SEMA3A: variants seen among roughly 807,000 people sequenced by gnomAD.
SEMA3A encodes semaphorin 3A, also known as semaphorin-3A.
SEMA3A carries 29 observed loss-of-function variants against 97.9 expected under a neutral mutation model. The ratio of observed to expected loss-of-function variants is 0.30; its 90% CI spans 0.22 to 0.40. The LOEUF (loss-of-function observed/expected upper bound fraction) is 0.40, where lower values mean the gene tolerates loss of function less well. Among genes scored for constraint, SEMA3A ranks in the 10% least tolerant of loss-of-function variants. The pLI, the probability that SEMA3A is intolerant of heterozygous loss-of-function variation, is 1.00. For synonymous variants in SEMA3A, 321 were observed against 323.7 expected, an observed-to-expected ratio of 0.99 and a Z score of 0.09; for missense variants, 763 against 951.3, an observed-to-expected ratio of 0.80 and a Z score of 2.60.
rs541571872 is a variant in SEMA3A, at chr7:84,190,345, A to G, written c.112+4130T>C. Among the ~76,000 whole-genome samples, 4 of 151,812 alleles carry G rather than the reference A, an allele frequency of 2.6e-5. No individual in the cohort carries two copies. In the South Asian group the frequency reaches 8.3e-4, roughly 31 times the overall value. On this transcript the variant is annotated intron_variant, in intron 1 of 16. Transcript: ENST00000265362. The stretch of plus-strand genomic sequence containing the variant: ...GTTGAATAGATGAATAAAAAGTTCT[A>G]GTTTTCAGTGTGTTTAAATTCAAGA...
intron 2 of SEMA3A, among the ~76,000 whole-genome samples, chr7:84,364,129 A>G (rs545855757): frequency 2.0e-5 from 3 of 151,834 alleles, no homozygotes; most frequent in Non-Finnish European, 4.4e-5. Context: ...TGACATAATA[A>G]ATATATATTA....
rs1044274318 is a variant in SEMA3A at position 84,346,171 on chromosome 7, C to T, written c.-169+25653G>A. On this transcript the variant is annotated intron_variant, in intron 2 of 3. Transcript: ENST00000424555. ...AACATTTCTTCTTCAGCCTCCTCAT[C>T]TCTCTCAGCCTTTATAGAATTGAAG... Among the ~76,000 whole-genome samples, 4 of 152,228 alleles carry T rather than the reference C, an allele frequency of 2.6e-5. No homozygotes were observed. The East Asian group carries it at 7.7e-4, about 29-fold the overall frequency.
At chr7:84,395,584 T>C (rs1429514678) in intron 1 of SEMA3A, among the ~76,000 whole-genome samples, 2 of 144,926 alleles carry the variant, frequency 1.4e-5, no homozygotes, top group Non-Finnish European at 3.0e-5. Flanking sequence ...GTGGAGATAA[T>C]TGAATCATGG....
At chr7:84,290,812 T>A (rs1200673278) in intron 3 of SEMA3A, among the ~76,000 whole-genome samples, 2 of 152,178 alleles carry the variant, frequency 1.3e-5, no homozygotes, top group Admixed American at 1.3e-4. Flanking sequence ...ATTAGATGAC[T>A]GTACCCTCTT....
At chr7:84,443,242 G>A (rs1805316458) in intron 1 of SEMA3A, among the ~76,000 whole-genome samples, 1 of 152,008 alleles carries the variant, frequency 6.6e-6, no homozygotes, top group African/African-American at 2.4e-5. Flanking sequence ...TTACACCTCA[G>A]AATATTTTAA....
At chr7:84,164,340 A>G (rs1221775342) in intron 1 of SEMA3A, among the ~76,000 whole-genome samples, 2 of 152,182 alleles carry the variant, frequency 1.3e-5, no homozygotes, top group African/African-American at 4.8e-5. Context: ...AATAAATTTG[A>G]TATTTTTAGT....
rs186901390 is a variant in SEMA3A, at chr7:84,148,154, A to T, written c.113-13203T>A. Among the ~76,000 whole-genome samples the T allele has an allele frequency of 8.8e-4, 134 of 152,124 alleles. 3 individuals are homozygous for T. In the East Asian group the frequency reaches 0.023, roughly 27 times the overall value. ...GGTCTCGAACCCCTGACCTCAGGTT[A>T]TCCACTCACCTTGGCCTCCCAAAGT... On this transcript the variant is annotated intron_variant, in intron 1 of 16. Coordinates refer to ENST00000265362, the MANE Select transcript of SEMA3A (RefSeq NM_006080.3).
chr7:84,404,587 A>T (rs567657977), intron 1 of SEMA3A, among the ~76,000 whole-genome samples: 172 of 152,240 alleles, frequency 1.1e-3, no homozygotes, highest in African/African-American at 4.1e-3. Context: ...CAAGACACAT[A>T]ATTGTCAGAT....
At chr7:84,370,864 C>A (rs900905917) in intron 2 of SEMA3A, among the ~76,000 whole-genome samples, 1 of 151,048 alleles carries the variant, frequency 6.6e-6, no homozygotes, top group African/African-American at 2.4e-5. Flanking sequence ...ATTCTCAGTT[C>A]CCCTAAGTTT....
At chr7:84,351,858 T>C (rs1286295355) in intron 2 of SEMA3A, among the ~76,000 whole-genome samples, 1 of 151,922 alleles carries the variant, frequency 6.6e-6, no homozygotes, top group Non-Finnish European at 1.5e-5. Flanking sequence ...GATCCAACAA[T>C]CCCACTGCGA....
chr7:84,014,335 A>T lies in SEMA3A; in HGVS notation c.684T>A (p.Ser228Arg). 2 of 1,610,034 alleles carry T rather than the reference A, an allele frequency of 1.2e-6. No homozygotes were observed. Among genetic ancestry groups the T allele is most frequent in the Non-Finnish European group, 1.7e-6 (2 of 1,177,362 alleles). ...SRWLNDPKFI[S>R]AHLISESDNP... ...TGTCACTCTCTGAGATGAGGTGGGC[A>T]CTAATGAACTTTGGATCTGAGAGAC... Residue 228 changes from serine (S) to arginine (R), a missense_variant, in exon 7 of 17, where the codon AGT becomes AGA. Around this residue, in one of 2 missense-constraint regions of SEMA3A, gnomAD observed 678 missense variants for 881.3 expected, o/e 0.77. Transcript: ENST00000265362.
chr7:84,472,652 A>G (rs530890589), intron 1 of SEMA3A, among the ~76,000 whole-genome samples: 2 of 152,322 alleles, frequency 1.3e-5, no homozygotes, highest in South Asian at 2.1e-4. Context: ...TTCTGTTAAA[A>G]GTAAACTTAT....
chr7:84,225,454 G>A (rs1204792649), intron 3 of SEMA3A, among the ~76,000 whole-genome samples: 2 of 152,034 alleles, frequency 1.3e-5, no homozygotes, highest in African/African-American at 4.8e-5. Flanking sequence ...TGACCCATAC[G>A]AAAGTAACGA....
intron 3 of SEMA3A, among the ~76,000 whole-genome samples, chr7:84,248,304 AT>A (rs1003011526): frequency 3.5e-4 from 53 of 152,258 alleles, no homozygotes; most frequent in African/African-American, 1.2e-3. Flanking sequence ...ATTAAAATGG[AT>A]TTTTTTAAGG....
Position 83,961,578 on chromosome 7 carries a change from G to A in SEMA3A, c.2109C>T (p.Tyr703=), listed in dbSNP as rs2116247670. The change falls in exon 17 of 17, where the codon TAC becomes TAT. Residue 703 remains tyrosine, a synonymous_variant. Transcript: ENST00000265362. ...NSMTPSQKVW[Y]RDFMQLINHP... ...GGTTGATGAGCTGCATGAAGTCTCT[G>A]TACCAGACCTTCTGGCTAGGTGTCA... The A allele has an allele frequency of 1.2e-6, 2 of 1,614,086 alleles. No homozygotes were observed. The highest frequency in any genetic ancestry group is 1.7e-5 in the Admixed American group (1 of 60,020).
chr7:84,333,492 G>C (rs1801955332), intron 2 of SEMA3A, among the ~76,000 whole-genome samples: 1 of 152,070 alleles, frequency 6.6e-6, no homozygotes, highest in Admixed American at 6.6e-5. Context: ...GAGGTGAGGA[G>C]AGTGACTTTA....
At chr7:84,336,494 G>C (rs1802041517) in intron 2 of SEMA3A, among the ~76,000 whole-genome samples, 1 of 152,054 alleles carries the variant, frequency 6.6e-6, no homozygotes, top group Non-Finnish European at 1.5e-5. Flanking sequence ...TGAGTAGATG[G>C]AACTAAAAAA....
intron 1 of SEMA3A, among the ~76,000 whole-genome samples, chr7:84,142,692 A>C (rs561641901): frequency 6.6e-6 from 1 of 152,326 alleles, no homozygotes; most frequent in East Asian, 1.9e-4. Context: ...GTTTTTACAC[A>C]GTAATAACTT....
At chr7:84,245,814 G>A (rs1296321560) in intron 3 of SEMA3A, among the ~76,000 whole-genome samples, 1 of 152,092 alleles carries the variant, frequency 6.6e-6, no homozygotes, top group East Asian at 1.9e-4. Context: ...GTATCTCTCA[G>A]TCAGGAGGCA....
Sources: allele counts gnomAD v4.1 joint callset (sites outside exome capture counted in the v4.1 genomes callset), GRCh38; gene constraint gnomAD v4.1.1; regional missense constraint gnomAD v4.1.1; transcripts MANE v1.5; gene names NCBI Gene and HGNC (gene_info 2026-07-23, HGNC 2026-07-21).